GFRA1: variants seen among roughly 807,000 people sequenced by gnomAD.
The protein encoded by GFRA1 is GDNF family receptor alpha 1.
In GFRA1, 16 loss-of-function variants were observed where a neutral mutation model predicts 51.6. The ratio of observed to expected loss-of-function variants is 0.31; its 90% CI spans 0.21 to 0.47. The LOEUF is 0.47. GFRA1 is among the 20% of genes least tolerant of loss of function. The pLI is 1.00. For synonymous variants in GFRA1, 270 were observed against 241.3 expected (o/e 1.12, Z -1.10); for missense variants, 530 against 594.3 (o/e 0.89, Z 1.13).
intron 5 of GFRA1, among the ~76,000 whole-genome samples, chr10:116,197,872 C>T (rs1474947589): frequency 6.6e-6 from 1 of 152,128 alleles, no homozygotes; most frequent in East Asian, 1.9e-4. Flanking sequence ...CATGCGTGGG[C>T]TTGGACAACA....
At chr10:116,204,186 G>A (rs1460362835) in intron 5 of GFRA1, among the ~76,000 whole-genome samples, 1 of 152,224 alleles carries the variant, frequency 6.6e-6, no homozygotes, top group East Asian at 1.9e-4. Flanking sequence ...TCCTGGTCCA[G>A]GTGTCTTACC....
At chr10:116,218,812 T>G (rs1107030) in intron 4 of GFRA1, among the ~76,000 whole-genome samples, 56,651 of 152,002 alleles carry the variant, frequency 0.37, 12,322 homozygotes, top group East Asian at 0.55. Context: ...TGCTGCAAGA[T>G]CTTTTATCTC....
Position 116,064,521 on chromosome 10 carries a change from G to A in GFRA1, c.1275C>T (p.Leu425=), listed in dbSNP as rs370370314. 26 of 1,613,006 alleles carry A rather than the reference G, an allele frequency of 1.6e-5. No homozygotes were observed. In the South Asian group the frequency reaches 1.8e-4, roughly 11 times the overall value. The change falls in exon 11 of 11, where the codon CTC becomes CTT. Residue 425 remains leucine, a synonymous_variant. Coordinates refer to ENST00000355422, the MANE Select transcript of GFRA1 (RefSeq NM_005264.8). Reference sequence around the variant, plus strand: ...TTGTGGTTATGTGGCTGGAAGCACCGAGACCTTCTTTTTCATAATTACCCT... The same window carrying A: ...TTGTGGTTATGTGGCTGGAAGCACCAAGACCTTCTTTTTCATAATTACCCT... ...ISNGNYEKEG[L]GASSHITTKS...
At chr10:116,212,571 G>C (rs892727235) in intron 4 of GFRA1, among the ~76,000 whole-genome samples, 14 of 137,908 alleles carry the variant, frequency 1.0e-4, no homozygotes, top group African/African-American at 3.4e-4. Flanking sequence ...CACACATCTA[G>C]TTAAAAAAAT....
intron 5 of GFRA1, among the ~76,000 whole-genome samples, chr10:116,133,111 G>T (rs550909521): frequency 1.8e-4 from 27 of 151,984 alleles, no homozygotes; most frequent in Admixed American, 1.8e-3. Flanking sequence ...TGAATGGGAA[G>T]TATTCTCAGA....
intron 6 of GFRA1, among the ~76,000 whole-genome samples, chr10:116,107,061 G>A (rs1268580868): frequency 2.0e-5 from 3 of 152,160 alleles, no homozygotes; most frequent in Admixed American, 6.5e-5. Flanking sequence ...GTAGAACCAT[G>A]AGCCAATTAA....
In GFRA1 at chr10:116,061,695, C is replaced by A; in HGVS notation, c.*2703G>T. 1 of 283,432 alleles carries A rather than the reference C, an allele frequency of 3.5e-6. No individual in the cohort carries two copies. Among genetic ancestry groups the A allele is most frequent in the East Asian group, 5.8e-5 (1 of 17,150 alleles). 17.6% of individuals were successfully genotyped at this position (283,432 alleles called of 1,614,324 possible). ...GACACCCAAACCTCAGCAGATAACC[C>A]CTGTCTTCAGTGGCACCCCAAATGC... On this transcript the variant is annotated 3_prime_UTR_variant, in exon 11 of 11. Coordinates refer to ENST00000355422, the MANE Select transcript of GFRA1 (RefSeq NM_005264.8).
intron 5 of GFRA1, among the ~76,000 whole-genome samples, chr10:116,150,407 G>A (rs1405597946): frequency 6.6e-6 from 1 of 152,078 alleles, no homozygotes; most frequent in Non-Finnish European, 1.5e-5. Flanking sequence ...TGCAGTTCCC[G>A]GTCAATATGT....
intron 5 of GFRA1, among the ~76,000 whole-genome samples, chr10:116,151,045 C>A (rs1025732557): frequency 1.3e-5 from 2 of 151,874 alleles, no homozygotes; most frequent in African/African-American, 4.8e-5. Flanking sequence ...TAAAGAACAT[C>A]CCCTGGGAGT....
chr10:116,108,429 C>T (rs1957082275), intron 6 of GFRA1, among the ~76,000 whole-genome samples: 1 of 152,202 alleles, frequency 6.6e-6, no homozygotes, highest in Admixed American at 6.5e-5. Context: ...AATTCCGTAA[C>T]TCCTATTAGC....
At chr10:116,106,017 T>C (rs771358113) in intron 6 of GFRA1, among the ~76,000 whole-genome samples, 3 of 152,124 alleles carry the variant, frequency 2.0e-5, no homozygotes, top group Non-Finnish European at 2.9e-5. Context: ...CAGGAGTCTT[T>C]AAAAGTGGAA....
intron 5 of GFRA1, among the ~76,000 whole-genome samples, chr10:116,200,339 G>A (rs1218992193): frequency 1.3e-5 from 2 of 152,146 alleles, no homozygotes; most frequent in African/African-American, 2.4e-5. Context: ...GAATTCAGAC[G>A]AATTTCCTGG....
intron 5 of GFRA1, among the ~76,000 whole-genome samples, chr10:116,190,438 A>G (rs911642330): frequency 6.6e-6 from 1 of 152,188 alleles, no homozygotes; most frequent in African/African-American, 2.4e-5. Context: ...AGTGCTCTAC[A>G]GACAGGAGAA....
intron 4 of GFRA1, among the ~76,000 whole-genome samples, chr10:116,251,324 T>C (rs910108642): frequency 6.6e-6 from 1 of 152,152 alleles, no homozygotes; most frequent in Non-Finnish European, 1.5e-5. Context: ...GAAGAGCACA[T>C]GGCAGGTCAG....
chr10:116,154,248 C>G (rs1383568021), intron 5 of GFRA1, among the ~76,000 whole-genome samples: 1 of 152,298 alleles, frequency 6.6e-6, no homozygotes. Flanking sequence ...TGTGTCTATA[C>G]GTTCACCAAA....
chr10:116,193,259 C>T (rs1164345982), intron 5 of GFRA1, among the ~76,000 whole-genome samples: 1 of 152,130 alleles, frequency 6.6e-6, no homozygotes, highest in Non-Finnish European at 1.5e-5. Context: ...AGGACCCCTG[C>T]CACCTCCACA....
At chr10:116,126,821 G>A (rs1957897266) in intron 5 of GFRA1, among the ~76,000 whole-genome samples, 1 of 152,212 alleles carries the variant, frequency 6.6e-6, no homozygotes, top group African/African-American at 2.4e-5. Flanking sequence ...GAAGTGACAA[G>A]AGAGAAGGCA....
At chr10:116,169,479 C>T (rs1469479423) in intron 5 of GFRA1, among the ~76,000 whole-genome samples, 1 of 152,176 alleles carries the variant, frequency 6.6e-6, no homozygotes, top group Non-Finnish European at 1.5e-5. Context: ...TGGCCCATAT[C>T]CTGTGCTCAT....
chr10:116,250,723 C>T (rs1180256279), intron 4 of GFRA1, among the ~76,000 whole-genome samples: 5 of 152,170 alleles, frequency 3.3e-5, no homozygotes, highest in African/African-American at 7.2e-5. Context: ...GTCCCACCAC[C>T]CAAAAAGCAG....
Sources: gnomAD v4.1 joint callset for allele counts (sites outside exome capture counted in the v4.1 genomes callset) on GRCh38, gnomAD v4.1.1 for gene constraint, MANE v1.5 for transcripts, NCBI Gene and HGNC (gene_info 2026-07-23, HGNC 2026-07-21) for gene names.